Variants in RARA observed in about 807,000 individuals in gnomAD.
RARA encodes the protein PML-DDX5-RARA fusion.
RARA carries 5 observed loss-of-function variants against 42.8 expected under a neutral mutation model. The ratio of observed to expected loss-of-function variants is 0.12; its 90% CI spans 0.06 to 0.25. The LOEUF is 0.25. Ranked by LOEUF, RARA falls within the 10% of genes least tolerant of loss-of-function variation. RARA has a pLI of 1.00. For missense variants in RARA, 402 were observed against 628.7 expected (o/e 0.64, Z 3.86); for synonymous variants, 256 against 259.5 (o/e 0.99, Z 0.13).
intron 6 of RARA, among the ~76,000 whole-genome samples, chr17:40,353,061 G>C (rs932410776): frequency 1.3e-5 from 2 of 152,224 alleles, no homozygotes; most frequent in African/African-American, 4.8e-5. Context: ...GCAAAACTGT[G>C]ATCAATGCTT....
At chr17:40,347,003 G>C (rs1479645048) in intron 2 of RARA, among the ~76,000 whole-genome samples, 3 of 152,240 alleles carry the variant, frequency 2.0e-5, no homozygotes, top group Non-Finnish European at 4.4e-5. Flanking sequence ...CTGCAGGTAA[G>C]GGGGGAGGGT....
intron 2 of RARA, among the ~76,000 whole-genome samples, chr17:40,344,867 A>G (rs1318548980): frequency 6.6e-6 from 1 of 152,174 alleles, no homozygotes; most frequent in Non-Finnish European, 1.5e-5. Context: ...TCAGTCTAGA[A>G]TATGTGGGGC....
chr17:40,355,332 T>C lies in RARA; in HGVS notation c.1082T>C (p.Val361Ala). The change falls in exon 8 of 9, where the codon GTC becomes GCC. Residue 361 changes from valine to alanine, a missense_variant. Physicochemically the swap from Val to Ala is moderately conservative, Grantham distance 64 (BLOSUM62 0). Coordinates refer to ENST00000254066, the MANE Select transcript of RARA (RefSeq NM_000964.4). This position sits in a 1 kb window ranked among gnomAD's most constrained non-coding sequence, Gnocchi z 4.1. The part of the protein sequence containing the change: ...LQEPLLEALK[V>A]YVRKRRPSRP... ...GAGCCGCTGCTGGAGGCGCTAAAGG[T>C]CTACGTGCGGAAGCGGAGGCCCAGC... 1 of 1,612,198 alleles carries C rather than the reference T, an allele frequency of 6.2e-7. No homozygotes were observed. The highest frequency in any genetic ancestry group is 1.1e-5 in the South Asian group (1 of 90,730).
chr17:40,327,674 C>T (rs1371436013), intron 1 of RARA, among the ~76,000 whole-genome samples: 2 of 152,208 alleles, frequency 1.3e-5, no homozygotes, highest in African/African-American at 4.8e-5. Flanking sequence ...CACATGCATG[C>T]CTGCACACAC....
chr17:40,345,614 C>G lies in RARA; in HGVS notation c.179-2702C>G, dbSNP rs2143432451. Among the ~76,000 whole-genome samples, 1 of 152,364 alleles carries G rather than the reference C, an allele frequency of 6.6e-6. No homozygotes were observed. The highest frequency in any genetic ancestry group is 1.9e-4 in the East Asian group (1 of 5,184). The stretch of plus-strand genomic sequence containing the variant: ...CTGGCTTCCTGGGTCAGTTCCAGTC[C>G]TCTGTTGGGCGCTGGAACTTTGAGC... On this transcript the variant is annotated intron_variant, in intron 2 of 8. Coordinates refer to ENST00000254066, the MANE Select transcript of RARA (RefSeq NM_000964.4). The surrounding 1 kb of genome is among the most constrained non-coding windows in gnomAD (Gnocchi z 4.8).
intron 2 of RARA, chr17:40,340,891 T>A (rs964407606): frequency 1.3e-4 from 52 of 400,108 alleles, no homozygotes; most frequent in African/African-American, 1.0e-3. Context: ...CTACTCTTTA[T>A]TATTAGTAAT....
chr17:40,348,572 T>C (rs1784802389), intron 3 of RARA, 108 bp downstream of exon 3: 15 of 1,371,370 alleles, frequency 1.1e-5, no homozygotes, highest in South Asian at 3.1e-5. Context: ...AAGTTGCTGC[T>C]CTTCTTTCTC....
chr17:40,329,066 G>T lies in RARA; in HGVS notation c.-362-1791G>T, dbSNP rs552498184. On this transcript the variant is annotated intron_variant, in intron 1 of 8. Coordinates refer to ENST00000254066, the MANE Select transcript of RARA (RefSeq NM_000964.4). ...AGGATTCCAATTTCTCCACATCCTC[G>T]CCAGTACTTGTTATTATCTGTCTTT... 7.2e-5 allele frequency among the ~76,000 whole-genome samples: 11 copies of T among 151,760 alleles called. No homozygotes were observed. In the South Asian group the frequency reaches 1.9e-3, roughly 26 times the overall value.
At chr17:40,350,172 GC>G (rs1390223121) in intron 4 of RARA, 11 of 525,696 alleles carry the variant, frequency 2.1e-5, no homozygotes, top group Non-Finnish European at 3.7e-5. Context: ...TCCTGTTTCT[GC>G]ACGTCTGGCT....
intron 2 of RARA, among the ~76,000 whole-genome samples, chr17:40,338,859 T>C (rs2143346562): frequency 6.6e-6 from 1 of 151,084 alleles, no homozygotes. Flanking sequence ...CTCTACAGAA[T>C]ATACCAAAAT....
At chr17:40,335,040 C>T (rs762353511) in intron 2 of RARA, among the ~76,000 whole-genome samples, 4 of 152,000 alleles carry the variant, frequency 2.6e-5, no homozygotes, top group South Asian at 2.1e-4. Flanking sequence ...GTGTGCACTA[C>T]GGGTCAGGGC....
rs1388353643 is a variant in RARA at position 40,351,449 on chromosome 17, G to T, written c.470-461G>T. 1 of 471,052 alleles carries T rather than the reference G, an allele frequency of 2.1e-6. No homozygotes were observed. Among genetic ancestry groups the T allele is most frequent in the African/African-American group, 2.0e-5 (1 of 50,058 alleles). The allele number at this position is 471,052 out of a possible 1,614,324, so 29.2% of individuals were successfully genotyped here. On this transcript the variant is annotated intron_variant, in intron 4 of 8. Coordinates refer to ENST00000254066, the MANE Select transcript of RARA (RefSeq NM_000964.4). The surrounding 1 kb of genome is among the most constrained non-coding windows in gnomAD (Gnocchi z 4.1). Reference sequence around the variant, plus strand: ...CCAGGTCCCCCACTCTCAGGCTGGGGAGCCCTACTCCCCACTTGCCCCAGG... The same window carrying T: ...CCAGGTCCCCCACTCTCAGGCTGGGTAGCCCTACTCCCCACTTGCCCCAGG...
chr17:40,356,539 C>G lies in RARA; in HGVS notation c.*313C>G. 1 of 618,276 alleles carries G rather than the reference C, an allele frequency of 1.6e-6. No homozygotes were observed. The highest frequency in any genetic ancestry group is 3.0e-6 in the Non-Finnish European group (1 of 330,392). 38.3% of individuals were successfully genotyped at this position (618,276 alleles called of 1,614,324 possible). Reference sequence around the variant, plus strand: ...TTCATCAAGACACCCCTCTGCCCAGCTCACCACATCTTCATCACCAGCAAA... The same window carrying G: ...TTCATCAAGACACCCCTCTGCCCAGGTCACCACATCTTCATCACCAGCAAA... On this transcript the variant is annotated 3_prime_UTR_variant, in exon 9 of 9. Coordinates refer to ENST00000254066, the MANE Select transcript of RARA (RefSeq NM_000964.4).
At chr17:40,310,716 C>T (rs1437708541) in intron 1 of RARA, among the ~76,000 whole-genome samples, 1 of 152,144 alleles carries the variant, frequency 6.6e-6, no homozygotes, top group East Asian at 1.9e-4. Flanking sequence ...TATAGGTCTT[C>T]CCCTTTGCTA....
At chr17:40,340,672 T>C (rs1034055580) in intron 2 of RARA, among the ~76,000 whole-genome samples, 4 of 152,226 alleles carry the variant, frequency 2.6e-5, no homozygotes, top group Non-Finnish European at 5.9e-5. Context: ...TAGGTACCTA[T>C]GTTAATTCTT....
chr17:40,348,312 C>G lies in RARA; in HGVS notation c.179-4C>G. On this transcript the variant is annotated splice_polypyrimidine_tract_variant and splice_region_variant and intron_variant, in intron 2 of 8. Transcript: ENST00000254066. ...TAACTGCCCCTCCCCTCTTCTCTCT[C>G]TAGCCATTGAGACCCAGAGCAGCAG... 6.3e-7 allele frequency: 1 copy of G among 1,585,968 alleles called. No individual in the cohort carries two copies. The highest frequency in any genetic ancestry group is 8.6e-7 in the Non-Finnish European group (1 of 1,165,780).
intron 1 of RARA, among the ~76,000 whole-genome samples, chr17:40,321,634 A>C (rs983511579): frequency 7.2e-5 from 11 of 151,954 alleles, no homozygotes; most frequent in Non-Finnish European, 1.5e-4. Flanking sequence ...ACCTCCTTCT[A>C]CTTAACATCC....
chr17:40,356,147 T>G lies in RARA; in HGVS notation c.1310T>G (p.Leu437Arg). The stretch of plus-strand genomic sequence containing the variant: ...GGTGGGGGGCGGGACGGGGGTGGCC[T>G]GGCCCCCCCGCCAGGCAGCTGTAGC... ...PGGGGRDGGG[L>R]APPPGSCSPS... Residue 437 changes from leucine to arginine, a missense_variant, in exon 9 of 9, where the codon CTG (leucine) becomes CGG (arginine). Transcript: ENST00000254066. 3 of 1,553,568 alleles carry G rather than the reference T, an allele frequency of 1.9e-6. No individual in the cohort carries two copies. The East Asian group carries it at 7.2e-5, about 37-fold the overall frequency.
At position 40,346,428 on chromosome 17, in the gene RARA, C is replaced by G. The variant is rs553083276; in HGVS notation, c.179-1888C>G. Among the ~76,000 whole-genome samples the G allele has an allele frequency of 2.6e-5, 4 of 151,854 alleles. No individual in the cohort carries two copies. The South Asian group carries it at 8.3e-4, about 32-fold the overall frequency. On this transcript the variant is annotated intron_variant, in intron 2 of 8. Transcript: ENST00000254066. ...TTAGGAGGGGTGGGGAGGTCAGTGC[C>G]TTCTTCCTCTGCTTGTCGGAATGCT...
Sources: gnomAD v4.1 joint callset for allele counts (sites outside exome capture counted in the v4.1 genomes callset) on GRCh38, gnomAD v4.1.1 for gene constraint, Gnocchi (gnomAD v3.1) non-coding constraint, MANE v1.5 for transcripts, NCBI Gene and HGNC (gene_info 2026-07-23, HGNC 2026-07-21) for gene names.